Variants in RNF17 observed in about 807,000 individuals in gnomAD.
RNF17 encodes spermatogenesis associated 23.
Under a neutral mutation model 200.5 loss-of-function variants are expected in RNF17, and 31 were observed. That is an observed-to-expected ratio of 0.15 (90% CI 0.12 to 0.21). RNF17 has a LOEUF of 0.21. Among genes scored for constraint, RNF17 ranks in the 10% least tolerant of loss-of-function variants. The pLI is 1.00. For missense variants in RNF17, 1,628 were observed against 1,905.1 expected (o/e 0.85, Z 2.71); for synonymous variants, 606 against 637.8 (o/e 0.95, Z 0.75).
In RNF17 at chr13:24,854,025, T is replaced by C; in HGVS notation, c.3491T>C (p.Leu1164Pro). 2.5e-6 allele frequency: 4 copies of C among 1,614,150 alleles called. No homozygotes were observed. Among genetic ancestry groups the C allele is most frequent in the Non-Finnish European group, 3.4e-6 (4 of 1,179,994 alleles). Residue 1164 changes from leucine to proline, a missense_variant, in exon 25 of 36, where the codon CTA (leucine) becomes CCA (proline). Leu to Pro is a moderately conservative substitution (Grantham distance 98). Around this residue, in one of 5 missense-constraint regions of RNF17, gnomAD observed 609 missense variants for 681.9 expected, o/e 0.89. Transcript: ENST00000255324. ...GTGTCTGAATTTCAGGAGAAAATTC[T>C]AGAACCAAGAACCACTAGAGGGTAT... ...QKVSEFQEKI[L>P]EPRTTRGYKP...
intron 22 of RNF17, 69 bp from the exon 23 acceptor site, chr13:24,850,272 G>C: frequency 1.1e-6 from 1 of 940,612 alleles, no homozygotes; most frequent in East Asian, 2.6e-5. Flanking sequence ...TGTAAATATA[G>C]TGTTTTTTGT....
chr13:24,755,496 A>G, the RNF17 span, among the ~76,000 whole-genome samples: 3 of 152,218 alleles, frequency 2.0e-5, no homozygotes, highest in African/African-American at 7.2e-5. Flanking sequence ...TCAAGAACAT[A>G]TAAGTATGTA....
chr13:24,843,689 A>T (rs1890931216), intron 19 of RNF17, 55 bp from the exon 20 acceptor site: 9 of 1,065,268 alleles, frequency 8.4e-6, no homozygotes, highest in Non-Finnish European at 1.1e-5. Context: ...ACCTGAGCAA[A>T]TGCAAACAAA....
chr13:24,883,417 A>AAAT (rs780770700), downstream of RNF17: 71 of 1,429,694 alleles, frequency 5.0e-5, no homozygotes, highest in South Asian at 6.8e-4. Context: ...AAATAATAGA[A>AAAT]AATAAACAAC....
In RNF17 at chr13:24,797,734, G is replaced by A. The variant is rs9743021; in HGVS notation, c.1399+1439G>A. Among the ~76,000 whole-genome samples the A allele has an allele frequency of 1.3e-3, 198 of 150,352 alleles. 2 individuals carry two copies. Among genetic ancestry groups the A allele is most frequent in the East Asian group, 7.7e-3 (39 of 5,080 alleles). On this transcript the variant is annotated intron_variant, in intron 11 of 35. Transcript: ENST00000255324. ...TGTGTGTGTGTGTGTGTGTGTGTGT[G>A]TGTGTGTGTGTTTACCCTGCAATGG...
intron 16 of RNF17, among the ~76,000 whole-genome samples, chr13:24,829,704 T>A (rs939587817): frequency 2.0e-5 from 3 of 152,226 alleles, no homozygotes; most frequent in Non-Finnish European, 4.4e-5. Flanking sequence ...GTCTTTAAGT[T>A]TGAAAACTAT....
chr13:24,749,307 C>CTTTTTCT, the RNF17 span, among the ~76,000 whole-genome samples: 8 of 108,020 alleles, frequency 7.4e-5, no homozygotes, highest in Non-Finnish European at 1.4e-4. Context: ...TTCTTTCTTT[C>CTTTTTCT]TTTTTTTTTT....
chr13:24,780,766 C>G (rs1214334990), intron 5 of RNF17, among the ~76,000 whole-genome samples: 2 of 151,958 alleles, frequency 1.3e-5, no homozygotes, highest in Non-Finnish European at 2.9e-5. Flanking sequence ...CCTGTAGTTC[C>G]AGTTGCTGGG....
chr13:24,749,373 C>G, the RNF17 span, among the ~76,000 whole-genome samples: 2 of 133,052 alleles, frequency 1.5e-5, no homozygotes, highest in Admixed American at 1.8e-4. Flanking sequence ...GGTGCTATCT[C>G]AGCTCACTGC....
chr13:24,754,540 A>G, the RNF17 span, among the ~76,000 whole-genome samples: 1,244 of 152,258 alleles, frequency 8.2e-3, 13 homozygotes, highest in Non-Finnish European at 0.011. Context: ...CCACAACATT[A>G]TATGATGCTT....
At chr13:24,765,251 G>A (rs933125977) in intron 1 of RNF17, among the ~76,000 whole-genome samples, 22 of 152,102 alleles carry the variant, frequency 1.4e-4, no homozygotes, top group African/African-American at 5.3e-4. Context: ...TCCTGACCTC[G>A]TGATCCGCCC....
At chr13:24,880,373 G>A (rs1953780427), downstream of RNF17, among the ~76,000 whole-genome samples, 2 of 152,192 alleles carry the variant, frequency 1.3e-5, no homozygotes, top group African/African-American at 2.4e-5. Context: ...CCAACACATT[G>A]GGATTACAAT....
chr13:24,845,963 C>T (rs1891216773), intron 22 of RNF17, among the ~76,000 whole-genome samples: 1 of 152,112 alleles, frequency 6.6e-6, no homozygotes, highest in Non-Finnish European at 1.5e-5. Flanking sequence ...TGAGGTGGCT[C>T]ACACCTGTAA....
At chr13:24,841,992 A>G (rs780241221) in intron 18 of RNF17, 49 bp from the exon 19 acceptor site, 5 of 1,542,866 alleles carry the variant, frequency 3.2e-6, no homozygotes, top group Admixed American at 2.0e-5. Flanking sequence ...CTCATTTACT[A>G]TATTTTGTGA....
chr13:24,820,728 G>A (rs1455736022), intron 15 of RNF17, among the ~76,000 whole-genome samples: 3 of 152,138 alleles, frequency 2.0e-5, no homozygotes, highest in Non-Finnish European at 4.4e-5. Context: ...AGGCCACCAC[G>A]CCCAGCCTGG....
rs985787573 is a variant in RNF17 at position 24,862,570 on chromosome 13, A to C, written c.3895-143A>C. 3 of 575,094 alleles carry C rather than the reference A, an allele frequency of 5.2e-6. No individual in the cohort carries two copies. The African/African-American group carries it at 5.6e-5, about 11-fold the overall frequency. The allele number at this position is 575,094 out of a possible 1,614,324, so 35.6% of individuals were successfully genotyped here. On this transcript the variant is annotated intron_variant, in intron 27 of 35. Coordinates refer to ENST00000255324, the MANE Select transcript of RNF17 (RefSeq NM_031277.3). ...TAAAGATTATTTTTATCATGTACCT[A>C]TGATATTCTCTGAGAACTGCTTGTG...
chr13:24,838,711 G>A (rs1343450195), intron 18 of RNF17, among the ~76,000 whole-genome samples: 2 of 152,068 alleles, frequency 1.3e-5, no homozygotes, highest in African/African-American at 2.4e-5. Flanking sequence ...CACAGCCAAC[G>A]TAATTCTGAA....
intron 16 of RNF17, among the ~76,000 whole-genome samples, chr13:24,826,799 G>A (rs910632771): frequency 2.6e-4 from 39 of 151,166 alleles, no homozygotes; most frequent in Non-Finnish European, 3.7e-4. Flanking sequence ...GGTGGCTCAC[G>A]CCTGTAATCC....
intron 22 of RNF17, among the ~76,000 whole-genome samples, chr13:24,845,618 G>A (rs1235576735): frequency 6.6e-6 from 1 of 152,154 alleles, no homozygotes; most frequent in Non-Finnish European, 1.5e-5. Context: ...AGGATTTGGA[G>A]GGAAGGCAGA....
Sources: gnomAD v4.1 joint callset for allele counts (sites outside exome capture counted in the v4.1 genomes callset) on GRCh38, gnomAD v4.1.1 for gene constraint, gnomAD v4.1.1 regional missense constraint, MANE v1.5 for transcripts, NCBI Gene and HGNC (gene_info 2026-07-23, HGNC 2026-07-21) for gene names.